Variants in SHQ1 observed in about 807,000 individuals in gnomAD.
SHQ1 encodes the protein SHQ1, H/ACA ribonucleoprotein assembly factor.
A neutral mutation model predicts 53.8 loss-of-function variants in SHQ1; 49 were observed. That is an observed-to-expected ratio of 0.91 (90% CI 0.72 to 1.16). The LOEUF (loss-of-function observed/expected upper bound fraction) is 1.16, where lower values mean the gene tolerates loss of function less well. SHQ1 is among the 50% of genes most tolerant of loss of function. SHQ1 has a pLI of 0.00. For missense variants in SHQ1, 738 were observed against 683.1 expected (o/e 1.08, Z -0.90); for synonymous variants, 243 against 251.0 (o/e 0.97, Z 0.30).
chr3:72,806,222 A>G (rs988677790), intron 9 of SHQ1, among the ~76,000 whole-genome samples: 1 of 152,202 alleles, frequency 6.6e-6, no homozygotes, highest in African/African-American at 2.4e-5. Context: ...GAGAATCCGG[A>G]GTTCTCCCTT....
chr3:72,750,464 A>C lies in SHQ1; in HGVS notation c.1554T>G (p.Ser518=). The C allele has an allele frequency of 6.2e-7, 1 of 1,614,226 alleles. No individual in the cohort carries two copies. Among genetic ancestry groups the C allele is most frequent in the Non-Finnish European group, 8.5e-7 (1 of 1,180,048 alleles). Residue 518 remains serine (S), a synonymous_variant, in exon 11 of 11, where the codon TCT becomes TCG. Coordinates refer to ENST00000325599, the MANE Select transcript of SHQ1 (RefSeq NM_018130.3). ...GVRRNTAIQE[S]DASQGKPLAS... The stretch of plus-strand genomic sequence containing the variant: ...CAAGTGGCTTTCCCTGACTGGCATC[A>C]GACTCCTGGATGGCTGTGTTTCTGC...
chr3:72,752,779 G>A (rs1443303036), intron 10 of SHQ1, among the ~76,000 whole-genome samples: 2 of 151,854 alleles, frequency 1.3e-5, no homozygotes, highest in Non-Finnish European at 2.9e-5. Context: ...TGCCAGCCTC[G>A]GCCTCCCAAA....
intron 10 of SHQ1, among the ~76,000 whole-genome samples, chr3:72,761,186 T>C (rs935965783): frequency 6.6e-6 from 1 of 152,138 alleles, no homozygotes; most frequent in African/African-American, 2.4e-5. Flanking sequence ...TTTTTATTCT[T>C]TTAGAGATGG....
chr3:72,732,012 A>T, the SHQ1 span, among the ~76,000 whole-genome samples: 1 of 151,646 alleles, frequency 6.6e-6, no homozygotes, highest in South Asian at 2.1e-4. Flanking sequence ...CCAGAGCAAG[A>T]GGTAGGCAAA....
At position 72,815,756 on chromosome 3, in the gene SHQ1, A is replaced by G. The variant is rs530742340; in HGVS notation, c.883-353T>C. Among the ~76,000 whole-genome samples the G allele has an allele frequency of 4.6e-5, 7 of 152,302 alleles. No homozygotes were observed. The East Asian group carries it at 1.3e-3, about 29-fold the overall frequency. ...CATGCCTCCCAAACAATCCATAAAT[A>G]ATCTATCAAAGGAATCAAAGATAAT... On this transcript the variant is annotated intron_variant, in intron 7 of 10. Coordinates refer to ENST00000325599, the MANE Select transcript of SHQ1 (RefSeq NM_018130.3).
chr3:72,825,303 C>A (rs1430635955), intron 5 of SHQ1, among the ~76,000 whole-genome samples: 1 of 150,800 alleles, frequency 6.6e-6, no homozygotes, highest in African/African-American at 2.4e-5. Context: ...CAAAGAAAAA[C>A]AAGCAGATGA....
intron 10 of SHQ1, among the ~76,000 whole-genome samples, chr3:72,755,490 G>A (rs1272647783): frequency 6.6e-6 from 1 of 152,172 alleles, no homozygotes; most frequent in African/African-American, 2.4e-5. Flanking sequence ...AAGAATGCTA[G>A]GATAAAAACT....
rs34699306 is a variant in SHQ1, at chr3:72,843,302, TA to T, written c.209-901del. Among the ~76,000 whole-genome samples, 5 of 152,236 alleles carry T rather than the reference TA, an allele frequency of 3.3e-5. 1 individual carries two copies. Among genetic ancestry groups the T allele is most frequent in the South Asian group, 4.2e-4 (2 of 4,818 alleles). The stretch of plus-strand genomic sequence containing the variant: ...ATCCAATGGAGAATGGCAACAGTTT[TA>T]AAAATACACAGAATCTTAGATACAA... On this transcript the variant is annotated intron_variant, in intron 2 of 10. Transcript: ENST00000325599.
At chr3:72,840,143 T>G (rs374980488) in intron 4 of SHQ1, among the ~76,000 whole-genome samples, 2 of 144,964 alleles carry the variant, frequency 1.4e-5, no homozygotes, top group African/African-American at 5.1e-5. Context: ...TCCCAGCTAC[T>G]TGGGAGGCTG....
At chr3:72,773,452 G>C (rs1705895434) in intron 10 of SHQ1, 1 of 360,968 alleles carries the variant, frequency 2.8e-6, no homozygotes, top group South Asian at 2.6e-5. Flanking sequence ...GGAGTGATCA[G>C]AGTGTTCAGA....
At chr3:72,802,312 G>A (rs1171467703) in intron 9 of SHQ1, among the ~76,000 whole-genome samples, 1 of 152,114 alleles carries the variant, frequency 6.6e-6, no homozygotes, top group African/African-American at 2.4e-5. Context: ...GGCAAGAATA[G>A]GTCTCCTCTC....
chr3:72,781,441 G>C (rs1459386518), intron 10 of SHQ1, among the ~76,000 whole-genome samples: 1 of 152,152 alleles, frequency 6.6e-6, no homozygotes, highest in South Asian at 2.1e-4. Flanking sequence ...ACAATAATTA[G>C]ATAATTCTTC....
At chr3:72,731,897 G>A in the SHQ1 span, among the ~76,000 whole-genome samples, 51 of 151,300 alleles carry the variant, frequency 3.4e-4, no homozygotes, top group East Asian at 7.4e-3. Flanking sequence ...TACATCTTCT[G>A]ATCCTGATTC....
At chr3:72,798,066 G>A (rs17010146) in intron 9 of SHQ1, among the ~76,000 whole-genome samples, 1,693 of 152,270 alleles carry the variant, frequency 0.011, 27 homozygotes, top group African/African-American at 0.039. Context: ...CTATCCAGTC[G>A]TGGGCTCATC....
At chr3:72,731,884 A>C in the SHQ1 span, among the ~76,000 whole-genome samples, 2 of 151,266 alleles carry the variant, frequency 1.3e-5, no homozygotes. Context: ...TATGGGGGCT[A>C]CTTACATCTT....
At chr3:72,846,375 A>C in intron 1 of SHQ1, 2 of 1,419,118 alleles carry the variant, frequency 1.4e-6, no homozygotes, top group Non-Finnish European at 1.9e-6. Flanking sequence ...GCTCACTGCA[A>C]CCTTCGCCCC....
intron 10 of SHQ1, among the ~76,000 whole-genome samples, chr3:72,783,457 T>C (rs958966220): frequency 3.3e-5 from 5 of 150,714 alleles, no homozygotes; most frequent in Non-Finnish European, 7.4e-5. Context: ...CTTGAACTCC[T>C]GGGTTCAAGC....
chr3:72,750,730 G>A lies in SHQ1; in HGVS notation c.1288C>T (p.Gln430Ter). Residue 430 changes from glutamine to a stop codon, truncating the protein, a stop_gained, in exon 11 of 11, where the codon CAG becomes TAG. Coordinates refer to ENST00000325599, the MANE Select transcript of SHQ1 (RefSeq NM_018130.3). LOFTEE classifies it low-confidence loss of function (END_TRUNC). ...EELEAAALLV[Q>*]EEETALKAAH... Reference sequence around the variant, plus strand: ...GCTTTTAATGCAGTTTCTTCCTCCTGGACAAGCAGTGCTGCTGCTTCTAGT... The same window carrying A: ...GCTTTTAATGCAGTTTCTTCCTCCTAGACAAGCAGTGCTGCTGCTTCTAGT... 6.4e-7 allele frequency: 1 copy of A among 1,558,576 alleles called. No individual in the cohort carries two copies. Among genetic ancestry groups the A allele is most frequent in the Non-Finnish European group, 8.7e-7 (1 of 1,150,440 alleles).
intron 10 of SHQ1, chr3:72,753,489 T>G (rs1705433463): frequency 5.1e-6 from 5 of 985,178 alleles, no homozygotes; most frequent in Non-Finnish European, 6.0e-6. Flanking sequence ...CCACAACCCC[T>G]GCTGCCTCTT....
Sources: gnomAD v4.1 joint callset for allele counts (sites outside exome capture counted in the v4.1 genomes callset) on GRCh38, gnomAD v4.1.1 for gene constraint, MANE v1.5 for transcripts, NCBI Gene and HGNC (gene_info 2026-07-23, HGNC 2026-07-21) for gene names.